MAP4K3: variants seen among roughly 807,000 people sequenced by gnomAD.
The protein encoded by MAP4K3 is MAPK/ERK kinase kinase kinase 3.
MAP4K3 carries 94 observed loss-of-function variants against 143.5 expected under a neutral mutation model. The observed-to-expected ratio is 0.65, with a 90% confidence interval of 0.55 to 0.78. The LOEUF is 0.78. MAP4K3 is among the 30% of genes least tolerant of loss of function. The probability of loss-of-function intolerance (pLI) is 0.00; values close to 1 mark genes in which losing one functional copy is unlikely to be tolerated. For synonymous variants in MAP4K3, 416 were observed against 347.2 expected, an observed-to-expected ratio of 1.20 and a Z score of -2.20; for missense variants, 1,077 against 1,068.1, an observed-to-expected ratio of 1.01 and a Z score of -0.12.
chr2:39,338,844 T>G lies in MAP4K3; in HGVS notation c.311-1263A>C, dbSNP rs541188800. 2.6e-5 allele frequency among the ~76,000 whole-genome samples: 4 copies of G among 152,314 alleles called. No homozygotes were observed. The South Asian group carries it at 6.2e-4, about 24-fold the overall frequency. ...ATGTGAGGACACAGTGTGTGTGCAC[T>G]CTATGAGAAATGGGTCCTTGCCAGA... On this transcript the variant is annotated intron_variant, in intron 4 of 33. Transcript: ENST00000263881.
At position 39,417,593 on chromosome 2, in the gene MAP4K3, T is replaced by C. The variant is rs546089963; in HGVS notation, c.96+19299A>G. 1.8e-3 allele frequency among the ~76,000 whole-genome samples: 281 copies of C among 152,322 alleles called. 2 individuals are homozygous for C. Among genetic ancestry groups the C allele is most frequent in the Non-Finnish European group, 3.2e-3 (215 of 68,022 alleles). On this transcript the variant is annotated intron_variant, in intron 1 of 33. Coordinates refer to ENST00000263881, the MANE Select transcript of MAP4K3 (RefSeq NM_003618.4). ...GGGAAGGCCAGAACAAACCATGTGA[T>C]GCTAGATTAGATCAAGAGATATCAG...
At chr2:39,259,705 A>T (rs1680487725) in intron 29 of MAP4K3, among the ~76,000 whole-genome samples, 2 of 152,256 alleles carry the variant, frequency 1.3e-5, no homozygotes, top group African/African-American at 4.8e-5. Context: ...AATGTGAAAC[A>T]TATAAAATGA....
rs1283835553 is a variant in MAP4K3 at position 39,293,472 on chromosome 2, A to G, written c.1179-204T>C. 3.9e-5 allele frequency among the ~76,000 whole-genome samples: 6 copies of G among 152,248 alleles called. No homozygotes were observed. The East Asian group carries it at 9.6e-4, about 24-fold the overall frequency. On this transcript the variant is annotated intron_variant, in intron 16 of 33. Transcript: ENST00000263881. ...AAATACCTCTATTTTCCTGTTGCCA[A>G]TGTCTTTATATATGTATTTTAAATG... is the stretch of plus-strand genomic sequence containing the variant.
intron 15 of MAP4K3, 146 bp downstream of exon 15, chr2:39,307,797 A>C: frequency 2.2e-6 from 1 of 461,544 alleles, no homozygotes; most frequent in Middle Eastern, 5.9e-4. Context: ...ATGGGAAAAA[A>C]CTGCTACAAT....
chr2:39,382,787 G>A (rs1224878096), intron 1 of MAP4K3, among the ~76,000 whole-genome samples: 2 of 152,152 alleles, frequency 1.3e-5, no homozygotes, highest in Non-Finnish European at 2.9e-5. Context: ...CAGGTTTGGG[G>A]ACCCAGTTTA....
chr2:39,251,844 C>A lies in MAP4K3; in HGVS notation c.2583G>T (p.Leu861=). 6.2e-7 allele frequency: 1 copy of A among 1,613,660 alleles called. No individual in the cohort carries two copies. Among genetic ancestry groups the A allele is most frequent in the South Asian group, 1.1e-5 (1 of 91,038 alleles). ...CGTTTTCATACCTGTCAGATCCAAGCAGCCTGAAAATTCTTGTGCTATCTG... is the reference window on the plus strand; with the variant it reads ...CGTTTTCATACCTGTCAGATCCAAGAAGCCTGAAAATTCTTGTGCTATCTG... The part of the protein sequence containing the change: ...EISDSTRIFR[L]LGSDRVVVLE... The change falls in exon 33 of 34, where the codon CTG becomes CTT. Residue 861 remains leucine, a synonymous_variant. Transcript: ENST00000263881.
chr2:39,288,318 T>A (rs1400534268), intron 19 of MAP4K3, 38 bp from the exon 20 acceptor site: 2 of 1,579,116 alleles, frequency 1.3e-6, no homozygotes, highest in East Asian at 2.2e-5. Flanking sequence ...CAATGAAACA[T>A]CAAATTATTT....
chr2:39,387,948 A>G lies in MAP4K3; in HGVS notation c.97-9825T>C, dbSNP rs563904079. Among the ~76,000 whole-genome samples the G allele has an allele frequency of 9.5e-4, 145 of 152,372 alleles. 1 individual carries two copies. The highest frequency in any genetic ancestry group is 3.1e-3 in the African/African-American group (128 of 41,588). ...AACTTTCAAAAAATGCACTTAGCAG[A>G]TAATAATTGGATATAGACATGGAAA... On this transcript the variant is annotated intron_variant, in intron 1 of 33. Transcript: ENST00000263881.
In MAP4K3 at chr2:39,251,895, T is replaced by TA. The variant is rs765832619; in HGVS notation, c.2542-11dup. On this transcript the variant is annotated splice_polypyrimidine_tract_variant and intron_variant, in intron 32 of 33. Transcript: ENST00000263881. ...AAATTTCTTGTGTTACCTGTTCAAT[T>TA]AAAACACAAATTTAATTTCTGAAAT... 4 of 1,605,384 alleles carry TA rather than the reference T, an allele frequency of 2.5e-6. No homozygotes were observed. The highest frequency in any genetic ancestry group is 2.7e-5 in the African/African-American group (2 of 74,788).
At chr2:39,395,115 T>TA (rs930046429) in intron 1 of MAP4K3, among the ~76,000 whole-genome samples, 12 of 151,854 alleles carry the variant, frequency 7.9e-5, no homozygotes, top group African/African-American at 1.9e-4. Context: ...CCAGTTTAAT[T>TA]AAAAAAAAGA....
intron 12 of MAP4K3, among the ~76,000 whole-genome samples, chr2:39,320,077 G>C (rs1235677545): frequency 1.3e-5 from 2 of 152,102 alleles, no homozygotes; most frequent in Non-Finnish European, 2.9e-5. Context: ...CCTAACAAAA[G>C]TTGGCTGTTT....
chr2:39,253,537 T>C lies in MAP4K3; in HGVS notation c.2541+913A>G, dbSNP rs150044864. Among the ~76,000 whole-genome samples, 1,002 of 152,226 alleles carry C rather than the reference T, an allele frequency of 6.6e-3. 11 individuals carry two copies. Among genetic ancestry groups the C allele is most frequent in the African/African-American group, 0.023 (960 of 41,538 alleles). On this transcript the variant is annotated intron_variant, in intron 32 of 33. Transcript: ENST00000263881. ...AACTCAATTCACAGATGAAAAAATATAGGTAGAAAGAAGTTAGGTGACATG... is the reference window on the plus strand; with the variant it reads ...AACTCAATTCACAGATGAAAAAATACAGGTAGAAAGAAGTTAGGTGACATG...
intron 12 of MAP4K3, chr2:39,315,632 C>T: frequency 2.3e-6 from 1 of 431,364 alleles, no homozygotes. Flanking sequence ...ACTTCTTTGG[C>T]TAAATACATA....
At chr2:39,379,394 G>C (rs1037638092) in intron 1 of MAP4K3, among the ~76,000 whole-genome samples, 2 of 151,856 alleles carry the variant, frequency 1.3e-5, no homozygotes, top group Non-Finnish European at 2.9e-5. Context: ...AAACACTCAA[G>C]GCAGTACAAA....
chr2:39,376,696 T>A (rs1209298458), intron 2 of MAP4K3, among the ~76,000 whole-genome samples: 7 of 152,194 alleles, frequency 4.6e-5, no homozygotes, highest in African/African-American at 9.6e-5. Context: ...GGAGTCATCT[T>A]AATTAGACCC....
At position 39,432,881 on chromosome 2, in the gene MAP4K3, CT is replaced by C. The variant is rs1356793584; in HGVS notation, c.96+4010del. Among the ~76,000 whole-genome samples the C allele has an allele frequency of 2.0e-5, 3 of 152,162 alleles. No individual in the cohort carries two copies. The East Asian group carries it at 5.8e-4, about 29-fold the overall frequency. ...AAGCTTAACAACACGGCAGCCCGTG[CT>C]TCAGAGGGAATGGCTTCCAAACACA... On this transcript the variant is annotated intron_variant, in intron 1 of 33. Transcript: ENST00000263881.
At chr2:39,286,993 A>G in intron 20 of MAP4K3, 29 bp from the exon 21 acceptor site, 3 of 1,418,228 alleles carry the variant, frequency 2.1e-6, no homozygotes, top group Non-Finnish European at 2.9e-6. Context: ...ATTGAAAATG[A>G]TTAATCTTCA....
intron 15 of MAP4K3, among the ~76,000 whole-genome samples, chr2:39,301,373 T>G (rs1252157229): frequency 6.6e-6 from 1 of 152,230 alleles, no homozygotes; most frequent in African/African-American, 2.4e-5. Flanking sequence ...AAATCATTGT[T>G]ATTACAAAAC....
intron 1 of MAP4K3, among the ~76,000 whole-genome samples, chr2:39,386,820 C>CT (rs56011585): frequency 0.049 from 6,826 of 139,054 alleles, 417 homozygotes; most frequent in African/African-American, 0.11. Context: ...TTTTGTTGTT[C>CT]TTTTTTTTTT....
Sources: allele counts gnomAD v4.1 joint callset (sites outside exome capture counted in the v4.1 genomes callset), GRCh38; gene constraint gnomAD v4.1.1; transcripts MANE v1.5; gene names NCBI Gene and HGNC (gene_info 2026-07-23, HGNC 2026-07-21).